Variants in GABBR2 observed in about 807,000 individuals in gnomAD.
GABBR2 encodes G-protein coupled receptor 51.
In GABBR2, 23 loss-of-function variants were observed where a neutral mutation model predicts 105.6. The ratio of observed to expected loss-of-function variants is 0.22; its 90% CI spans 0.16 to 0.31. The LOEUF (loss-of-function observed/expected upper bound fraction) is 0.31, where lower values mean the gene tolerates loss of function less well. Among genes scored for constraint, GABBR2 ranks in the 10% least tolerant of loss-of-function variants. GABBR2 has a pLI of 1.00. For synonymous variants in GABBR2, 478 were observed against 499.7 expected (o/e 0.96, Z 0.58); for missense variants, 734 against 1,245.5 (o/e 0.59, Z 6.18).
At chr9:98,323,017 C>T (rs1014006642) in intron 13 of GABBR2, among the ~76,000 whole-genome samples, 2 of 152,090 alleles carry the variant, frequency 1.3e-5, no homozygotes, top group Non-Finnish European at 2.9e-5. Flanking sequence ...ATCAATCAAC[C>T]ACCGCAGACA....
intron 7 of GABBR2, among the ~76,000 whole-genome samples, chr9:98,417,305 T>A (rs547113055): frequency 6.6e-6 from 1 of 152,296 alleles, no homozygotes; most frequent in Non-Finnish European, 1.5e-5. Flanking sequence ...GTAAGAGGAC[T>A]GAGAGACATG....
chr9:98,389,321 C>T (rs543073604), intron 9 of GABBR2, among the ~76,000 whole-genome samples: 18 of 152,368 alleles, frequency 1.2e-4, no homozygotes, highest in African/African-American at 2.9e-4. Context: ...AAGGCAACAA[C>T]GGCCTGGAAG....
chr9:98,411,827 C>T (rs1832596831), intron 7 of GABBR2, among the ~76,000 whole-genome samples: 1 of 152,144 alleles, frequency 6.6e-6, no homozygotes, highest in East Asian at 1.9e-4. Flanking sequence ...CACCTCGGCT[C>T]CCCTGAAAAG....
chr9:98,526,651 T>G (rs1255683620), intron 3 of GABBR2, among the ~76,000 whole-genome samples: 1 of 152,230 alleles, frequency 6.6e-6, no homozygotes, highest in African/African-American at 2.4e-5. Flanking sequence ...GCAGGGACTT[T>G]GTTTCACTCA....
intron 3 of GABBR2, among the ~76,000 whole-genome samples, chr9:98,527,346 C>T (rs1416988063): frequency 6.6e-6 from 1 of 151,912 alleles, no homozygotes; most frequent in East Asian, 1.9e-4. Flanking sequence ...CTGTCATTTA[C>T]CACTATGCAG....
chr9:98,401,444 T>C lies in GABBR2; in HGVS notation c.1297+4637A>G, dbSNP rs148995924. ...AAAATATGCTGTCTTTTGGGCCACC[T>C]TTCTTAGGCTCCCTGAAAGGCAAAT... On this transcript the variant is annotated intron_variant, in intron 8 of 18. Transcript: ENST00000259455. 2.6e-4 allele frequency among the ~76,000 whole-genome samples: 39 copies of C among 152,260 alleles called. No individual in the cohort carries two copies. In the East Asian group the frequency reaches 6.8e-3, roughly 26 times the overall value.
intron 1 of GABBR2, among the ~76,000 whole-genome samples, chr9:98,675,219 A>G (rs1403146480): frequency 6.6e-6 from 1 of 152,208 alleles, no homozygotes; most frequent in Non-Finnish European, 1.5e-5. Flanking sequence ...CTTCCCAGCA[A>G]GCACGGCAGG....
At chr9:98,674,872 G>A (rs979433573) in intron 1 of GABBR2, among the ~76,000 whole-genome samples, 5 of 152,132 alleles carry the variant, frequency 3.3e-5, no homozygotes, top group Admixed American at 1.3e-4. Flanking sequence ...TTGTGGAGGG[G>A]ACAGTGTGGA....
At position 98,306,796 on chromosome 9, in the gene GABBR2, C is replaced by T. The variant is rs7867465; in HGVS notation, c.2005-451G>A. On this transcript the variant is annotated intron_variant, in intron 14 of 18. Transcript: ENST00000259455. This position sits in a 1 kb window ranked among gnomAD's most constrained non-coding sequence, Gnocchi z 5.4. ...CTTTTTTCTATTAAACTAAGCAGAT[C>T]CCTTGTGTCTGAGACTTCTATTGTC... Among the ~76,000 whole-genome samples the T allele has an allele frequency of 0.17, 25,146 of 152,138 alleles. 2,169 individuals carry two copies. The highest frequency in any genetic ancestry group is 0.22 in the Middle Eastern group (64 of 294).
intron 2 of GABBR2, among the ~76,000 whole-genome samples, chr9:98,566,821 A>AAAAAAG (rs1828758152): frequency 7.6e-6 from 1 of 132,346 alleles, no homozygotes; most frequent in African/African-American, 2.8e-5. Context: ...AAAAAAAAAA[A>AAAAAAG]GGCGACAAAG....
At chr9:98,448,807 G>A (rs534198198) in intron 7 of GABBR2, among the ~76,000 whole-genome samples, 1 of 152,046 alleles carries the variant, frequency 6.6e-6, no homozygotes, top group East Asian at 1.9e-4. Flanking sequence ...TACCAAACAG[G>A]GTATACTGCT....
chr9:98,531,668 C>T (rs1394184969), intron 3 of GABBR2, among the ~76,000 whole-genome samples: 1 of 152,234 alleles, frequency 6.6e-6, no homozygotes, highest in Non-Finnish European at 1.5e-5. Context: ...GCTGCACTTC[C>T]CACAGGGAAC....
intron 2 of GABBR2, among the ~76,000 whole-genome samples, chr9:98,564,732 G>A (rs943372388): frequency 1.3e-5 from 2 of 152,204 alleles, no homozygotes. Flanking sequence ...AGGCCCTTGG[G>A]GTACTGCTAA....
chr9:98,414,128 C>T (rs748168951), intron 7 of GABBR2, among the ~76,000 whole-genome samples: 14 of 152,078 alleles, frequency 9.2e-5, no homozygotes, highest in Admixed American at 2.0e-4. Context: ...AATAAACACA[C>T]GGATAAATAG....
At chr9:98,693,041 C>T (rs996381583) in intron 1 of GABBR2, among the ~76,000 whole-genome samples, 20 of 152,174 alleles carry the variant, frequency 1.3e-4, no homozygotes, top group African/African-American at 4.6e-4. Context: ...CGACCCCCGG[C>T]GTGGCCTATG....
chr9:98,565,650 T>C (rs1264350886), intron 2 of GABBR2, among the ~76,000 whole-genome samples: 5 of 152,090 alleles, frequency 3.3e-5, no homozygotes, highest in African/African-American at 1.2e-4. Flanking sequence ...CTTGAGTGGA[T>C]GGCCACAGGA....
At chr9:98,691,711 A>G (rs1830684849) in intron 1 of GABBR2, among the ~76,000 whole-genome samples, 1 of 152,168 alleles carries the variant, frequency 6.6e-6, no homozygotes, top group Non-Finnish European at 1.5e-5. Flanking sequence ...GCTCAGCATT[A>G]TCCCCTCAAA....
At chr9:98,676,315 A>G (rs551366122) in intron 1 of GABBR2, among the ~76,000 whole-genome samples, 1 of 152,382 alleles carries the variant, frequency 6.6e-6, no homozygotes, top group South Asian at 2.1e-4. Context: ...CAAGCTTTTG[A>G]CCTTAGCAAG....
intron 3 of GABBR2, among the ~76,000 whole-genome samples, chr9:98,539,873 G>A (rs980976610): frequency 5.4e-5 from 8 of 148,316 alleles, no homozygotes; most frequent in East Asian, 3.9e-4. Context: ...CCGAGATTGC[G>A]CCAGTGCACT....
Sources: gnomAD v4.1 joint callset for allele counts (sites outside exome capture counted in the v4.1 genomes callset) on GRCh38, gnomAD v4.1.1 for gene constraint, Gnocchi (gnomAD v3.1) non-coding constraint, MANE v1.5 for transcripts, NCBI Gene and HGNC (gene_info 2026-07-23, HGNC 2026-07-21) for gene names.